Variants in CHN2 observed in about 807,000 individuals in gnomAD.
The protein encoded by CHN2 is chimerin 2, also known as beta-chimaerin.
Under a neutral mutation model 56.3 loss-of-function variants are expected in CHN2, and 35 were observed. The ratio of observed to expected loss-of-function variants is 0.62; its 90% CI spans 0.47 to 0.82. The LOEUF is 0.82. CHN2 is among the 40% of genes least tolerant of loss of function. The pLI is 0.00. For missense variants in CHN2, 491 were observed against 580.5 expected, an observed-to-expected ratio of 0.85 and a Z score of 1.58; for synonymous variants, 210 against 212.8, an observed-to-expected ratio of 0.99 and a Z score of 0.12.
At chr7:29,400,510 C>T (rs557065952) in intron 5 of CHN2, 33 bp from the exon 6 acceptor site, 15 of 1,603,568 alleles carry the variant, frequency 9.4e-6, no homozygotes, top group East Asian at 8.9e-5. Context: ...TTATTTCTAA[C>T]GTGGTTGTAA....
chr7:29,159,837 G>T (rs1794935941), intron 2 of CHN2, among the ~76,000 whole-genome samples: 1 of 152,136 alleles, frequency 6.6e-6, no homozygotes, highest in Non-Finnish European at 1.5e-5. Flanking sequence ...AAATTATTGT[G>T]ATTTGTCTCA....
intron 3 of CHN2, chr7:29,380,932 T>A (rs1800449607): frequency 6.6e-6 from 1 of 152,202 alleles, no homozygotes; most frequent in Non-Finnish European, 1.5e-5. Context: ...GAACAGGCGA[T>A]CTAGTGGCAC....
intron 1 of CHN2, among the ~76,000 whole-genome samples, chr7:29,216,622 T>C (rs1467037181): frequency 2.0e-5 from 3 of 152,188 alleles, no homozygotes; most frequent in African/African-American, 7.2e-5. Flanking sequence ...AGTGAGCTGG[T>C]TCAGGTCTGT....
At chr7:29,329,062 C>G (rs1036256905) in intron 1 of CHN2, among the ~76,000 whole-genome samples, 1 of 152,146 alleles carries the variant, frequency 6.6e-6, no homozygotes, top group South Asian at 2.1e-4. Flanking sequence ...AGTTTCACAA[C>G]TGTCTGGGGT....
At chr7:29,376,430 G>T (rs1044012315) in intron 3 of CHN2, 1 of 152,210 alleles carries the variant, frequency 6.6e-6, no homozygotes, top group African/African-American at 2.4e-5. Context: ...GTGAGTCACG[G>T]AGTGTGATCC....
intron 2 of CHN2, among the ~76,000 whole-genome samples, chr7:29,150,292 C>T (rs1793411860): frequency 6.6e-6 from 1 of 152,046 alleles, no homozygotes; most frequent in Non-Finnish European, 1.5e-5. Context: ...AGCTATCTTG[C>T]GGTATTATCA....
chr7:29,455,137 T>C (rs1585449760), intron 6 of CHN2, among the ~76,000 whole-genome samples: 1 of 152,122 alleles, frequency 6.6e-6, no homozygotes, highest in East Asian at 1.9e-4. Context: ...GTAATGTTAC[T>C]GAGTTAGCTG....
intron 1 of CHN2, among the ~76,000 whole-genome samples, chr7:29,239,441 G>A (rs1787476383): frequency 6.6e-6 from 1 of 152,100 alleles, no homozygotes; most frequent in Admixed American, 6.5e-5. Context: ...TGTCAAATAG[G>A]CAGTTGGATA....
intron 6 of CHN2, chr7:29,445,132 G>C (rs1783939726): frequency 2.2e-6 from 1 of 456,010 alleles, no homozygotes; most frequent in Non-Finnish European, 4.4e-6. Flanking sequence ...CAGAAAGTTA[G>C]TGTCAATTCT....
intron 2 of CHN2, among the ~76,000 whole-genome samples, chr7:29,150,035 G>A (rs1358743205): frequency 6.6e-6 from 1 of 152,186 alleles, no homozygotes; most frequent in Non-Finnish European, 1.5e-5. Context: ...CAACAAATCG[G>A]TTTGCAAAGA....
chr7:29,148,783 AG>A (rs1793133934), intron 2 of CHN2: 1 of 152,186 alleles, frequency 6.6e-6, no homozygotes, highest in Admixed American at 6.5e-5. Flanking sequence ...GTTGTGGGGA[AG>A]GGATGAAGGG....
rs114601271 is a variant in CHN2, at chr7:29,359,857, C to A, written c.88+5194C>A. Reference sequence around the variant, plus strand: ...GGTTATGCTCTGAAAGATTTTCTTTCTTAAGAGGCCAAGTGCCAATTAGGC... The same window carrying A: ...GGTTATGCTCTGAAAGATTTTCTTTATTAAGAGGCCAAGTGCCAATTAGGC... On this transcript the variant is annotated intron_variant, in intron 2 of 12. Coordinates refer to ENST00000222792, the MANE Select transcript of CHN2 (RefSeq NM_004067.4). Among the ~76,000 whole-genome samples, 1,019 of 152,358 alleles carry A rather than the reference C, an allele frequency of 6.7e-3. 15 individuals carry two copies. Among genetic ancestry groups the A allele is most frequent in the African/African-American group, 0.023 (937 of 41,588 alleles).
At chr7:29,192,358 C>G (rs998019296), upstream of CHN2, 1 of 152,116 alleles carries the variant, frequency 6.6e-6, no homozygotes, top group Admixed American at 6.5e-5. Flanking sequence ...TTTACTTTCT[C>G]CAGTTAAAAC....
chr7:29,363,569 A>G (rs1302378252), intron 2 of CHN2, among the ~76,000 whole-genome samples: 1 of 152,214 alleles, frequency 6.6e-6, no homozygotes, highest in Non-Finnish European at 1.5e-5. Flanking sequence ...ACAGAACAAC[A>G]TCCCTGCCCT....
intron 1 of CHN2, among the ~76,000 whole-genome samples, chr7:29,348,900 CA>C (rs925433746): frequency 7.2e-5 from 11 of 152,086 alleles, no homozygotes; most frequent in Non-Finnish European, 1.5e-4. Flanking sequence ...TCAGGTATAG[CA>C]AGCCTTAATA....
chr7:29,182,816 T>C (rs1798224518), intron 2 of CHN2, among the ~76,000 whole-genome samples: 1 of 152,184 alleles, frequency 6.6e-6, no homozygotes, highest in African/African-American at 2.4e-5. Flanking sequence ...ACAGGGTAGA[T>C]GAGAGTAGAG....
chr7:29,201,789 TA>T (rs1199379340), intron 1 of CHN2, among the ~76,000 whole-genome samples: 4 of 152,362 alleles, frequency 2.6e-5, no homozygotes, highest in African/African-American at 9.6e-5. Flanking sequence ...AAAACTAATG[TA>T]AAATCAACAA....
At chr7:29,441,845 G>T (rs946892206) in intron 6 of CHN2, among the ~76,000 whole-genome samples, 1 of 152,172 alleles carries the variant, frequency 6.6e-6, no homozygotes, top group South Asian at 2.1e-4. Context: ...GTGTAAATTG[G>T]TGCAGCCTCT....
intron 2 of CHN2, among the ~76,000 whole-genome samples, chr7:29,355,772 A>ATTTTTTTTTT (rs1167339692): frequency 1.9e-5 from 1 of 52,366 alleles, no homozygotes; most frequent in Non-Finnish European, 3.4e-5. Flanking sequence ...AGATGGGACT[A>ATTTTTTTTTT]TTTTTTTTTT....
Sources: allele counts gnomAD v4.1 joint callset (sites outside exome capture counted in the v4.1 genomes callset), GRCh38; gene constraint gnomAD v4.1.1; transcripts MANE v1.5; gene names NCBI Gene and HGNC (gene_info 2026-07-23, HGNC 2026-07-21).